The following NUBP2 variants were observed in gnomAD, a reference collection of about 807,000 sequenced individuals.
NUBP2 encodes NUBP iron-sulfur cluster assembly factor 2, cytosolic.
Under a neutral mutation model 24.9 loss-of-function variants are expected in NUBP2, and 23 were observed. The observed-to-expected ratio is 0.92, with a 90% CI of 0.66 to 1.31. The LOEUF (loss-of-function observed/expected upper bound fraction) is 1.31, where lower values mean the gene tolerates loss of function less well. Ranked by LOEUF, NUBP2 falls within the 50% of genes most tolerant of loss-of-function variation. The pLI is 0.00. For synonymous variants in NUBP2, 186 were observed against 170.9 expected, an observed-to-expected ratio of 1.09 and a Z score of -0.69; for missense variants, 403 against 386.5, an observed-to-expected ratio of 1.04 and a Z score of -0.36.
intron 6 of NUBP2, 128 bp downstream of exon 6, chr16:1,788,335 C>T (rs562888777): frequency 3.8e-5 from 42 of 1,103,622 alleles, no homozygotes; most frequent in Admixed American, 9.4e-5. Context: ...CCTCTCTTCT[C>T]GGGCCACACG....
chr16:1,784,411 G>C (rs187815740), intron 1 of NUBP2: 2 of 150,158 alleles, frequency 1.3e-5, no homozygotes, highest in African/African-American at 4.9e-5. Flanking sequence ...TTTTTTGTTG[G>C]GGGGAGACGG....
Position 1,787,727 on chromosome 16 carries a change from C to A in NUBP2, c.385C>A (p.Leu129Met). The A allele has an allele frequency of 6.2e-7, 1 of 1,612,704 alleles. No homozygotes were observed. Among genetic ancestry groups the A allele is most frequent in the Non-Finnish European group, 8.5e-7 (1 of 1,179,928 alleles). ...SDVAWGELDYLVVDTPPGTSD... is the reference protein window; with the variant it reads ...SDVAWGELDYMVVDTPPGTSD... ...CGTGGCCTGGGGGGAGCTGGACTAC[C>A]TGGTGGTGGACACGCCCCCGGGGAC... Residue 129 changes from leucine to methionine, a missense_variant, in exon 4 of 7, where the codon CTG becomes ATG. Physicochemically the swap from Leu to Met is conservative, Grantham distance 15 (BLOSUM62 2). Coordinates refer to ENST00000262302, the MANE Select transcript of NUBP2 (RefSeq NM_012225.4).
In NUBP2 at chr16:1,783,254, G is replaced by C. The variant is rs530689203; in HGVS notation, c.16+218G>C. The C allele has an allele frequency of 2.2e-5, 26 of 1,161,036 alleles. No individual in the cohort carries two copies. In the African/African-American group the frequency reaches 3.9e-4, roughly 17 times the overall value. 71.9% of individuals were successfully genotyped at this position (1,161,036 alleles called of 1,614,324 possible). A position where few individuals can be genotyped will look rare whatever the true frequency, so the allele number is the denominator to read the frequency against. ...ATGTGGAAGCTCCGTGATCTCGGAG[G>C]GCCTGAGTCGTGGAGTTGGGGGAGC... On this transcript the variant is annotated intron_variant, in intron 1 of 6. Coordinates refer to ENST00000262302, the MANE Select transcript of NUBP2 (RefSeq NM_012225.4).
chr16:1,786,608 ACCATCTCCACGGAGCTGG>A lies in NUBP2; in HGVS notation c.91_108del (p.Ile31_Ala36del). On this transcript the variant is annotated inframe_deletion, in exon 2 of 7. Coordinates refer to ENST00000262302, the MANE Select transcript of NUBP2 (RefSeq NM_012225.4). ...AGGAAAGGGGGGCGTTGGGAAAAGC[ACCATCTCCACGGAGCTGG>A]CCCTGGCACTGCGCCATGCAGGCAA... 6.2e-7 allele frequency: 1 copy of A among 1,612,612 alleles called. No homozygotes were observed. Among genetic ancestry groups the A allele is most frequent in the Non-Finnish European group, 8.5e-7 (1 of 1,179,708 alleles).
intron 6 of NUBP2, 85 bp from the exon 7 acceptor site, chr16:1,788,484 C>A (rs1207358558): frequency 6.8e-7 from 1 of 1,461,334 alleles, no homozygotes; most frequent in Non-Finnish European, 9.0e-7. Flanking sequence ...TCTAAGGCCA[C>A]GGGTGGTTCG....
At chr16:1,788,494 G>C in intron 6 of NUBP2, 75 bp from the exon 7 acceptor site, 1 of 1,485,652 alleles carries the variant, frequency 6.7e-7, no homozygotes, top group African/African-American at 1.4e-5. Context: ...CGGGTGGTTC[G>C]GGTGCGTCCA....
Position 1,786,878 on chromosome 16 carries a change from G to T in NUBP2, c.257G>T (p.Ser86Ile). The change falls in exon 3 of 7, where the codon AGC becomes ATC. Residue 86 changes from serine to isoleucine, a missense_variant. Ser to Ile is a moderately radical substitution (Grantham distance 142). Coordinates refer to ENST00000262302, the MANE Select transcript of NUBP2 (RefSeq NM_012225.4). ...WAPVFLDREQ[S>I]ISLMSVGFLL... The stretch of plus-strand genomic sequence containing the variant: ...CCCGTCTTCCTGGACCGGGAGCAGA[G>T]CATCTCGCTCATGTCTGTGGGCTTC... 6.3e-7 allele frequency: 1 copy of T among 1,582,146 alleles called. No homozygotes were observed. The highest frequency in any genetic ancestry group is 1.3e-5 in the African/African-American group (1 of 74,520).
chr16:1,783,468 G>A (rs1201727214), intron 1 of NUBP2: 13 of 995,194 alleles, frequency 1.3e-5, no homozygotes, highest in Non-Finnish European at 1.6e-5. Context: ...ATGCTTTTAA[G>A]TTCTTTGTGG....
chr16:1,786,886 C>G lies in NUBP2; in HGVS notation c.265C>G (p.Leu89Val). The change falls in exon 3 of 7, where the codon CTC (leucine) becomes GTC (valine). Residue 89 changes from leucine (L) to valine (V), a missense_variant. Transcript: ENST00000262302. Reference sequence around the variant, plus strand: ...CCTGGACCGGGAGCAGAGCATCTCGCTCATGTCTGTGGGCTTCCTGCTGGA... The same window carrying G: ...CCTGGACCGGGAGCAGAGCATCTCGGTCATGTCTGTGGGCTTCCTGCTGGA... ...VFLDREQSIS[L>V]MSVGFLLEKP... 2 of 1,572,616 alleles carry G rather than the reference C, an allele frequency of 1.3e-6. No homozygotes were observed. The highest frequency in any genetic ancestry group is 1.7e-6 in the Non-Finnish European group (2 of 1,153,250).
intron 1 of NUBP2, chr16:1,783,729 T>C (rs1353288182): frequency 5.7e-6 from 1 of 173,982 alleles, no homozygotes; most frequent in Non-Finnish European, 1.1e-5. Flanking sequence ...AGTCTCGTTC[T>C]GTCGCCCAGG....
At chr16:1,786,676 T>C (rs1276437360) in intron 2 of NUBP2, 21 bp downstream of exon 2, 2 of 1,612,202 alleles carry the variant, frequency 1.2e-6, no homozygotes, top group African/African-American at 2.7e-5. Flanking sequence ...TACCCCTCAC[T>C]GGGCGGAGCC....
chr16:1,785,031 G>C, intron 1 of NUBP2: 1 of 954,458 alleles, frequency 1.0e-6, no homozygotes, highest in Non-Finnish European at 1.2e-6. Flanking sequence ...CAGCCTGGGC[G>C]ACAGAATGAG....
chr16:1,783,641 TC>T (rs761888838), intron 1 of NUBP2: 1 of 312,634 alleles, frequency 3.2e-6, no homozygotes, highest in Non-Finnish European at 4.7e-6. Flanking sequence ...AGGAAAACAT[TC>T]CTCGGACAGC....
At position 1,787,800 on chromosome 16, in the gene NUBP2, C is replaced by G. The variant is rs772539717; in HGVS notation, c.458C>G (p.Pro153Arg). The G allele has an allele frequency of 3.7e-6, 6 of 1,611,916 alleles. No individual in the cohort carries two copies. The South Asian group carries it at 6.6e-5, about 18-fold the overall frequency. Residue 153 changes from proline to arginine, a missense_variant, in exon 4 of 7, where the codon CCC (proline) becomes CGC (arginine). Coordinates refer to ENST00000262302, the MANE Select transcript of NUBP2 (RefSeq NM_012225.4). Reference sequence around the variant, plus strand: ...ATAGAAGCCCTGCGTCCCTACCAGCCCCTGGGGGCCCTCGTGGTCACCACG... The same window carrying G: ...ATAGAAGCCCTGCGTCCCTACCAGCGCCTGGGGGCCCTCGTGGTCACCACG... ...ATIEALRPYQ[P>R]LGALVVTTPQ...
rs111886912 is a variant in NUBP2 at position 1,787,990 on chromosome 16, C to A, written c.539C>A (p.Thr180Lys). 1.9e-6 allele frequency: 3 copies of A among 1,605,192 alleles called. No homozygotes were observed. Among genetic ancestry groups the A allele is most frequent in the Non-Finnish European group, 1.7e-6 (2 of 1,177,330 alleles). ...CGCGAGCTGACCTTCTGTAGGAAGA[C>A]GGGCTTGCGGGTGATGGGAATCGTG... Reference protein sequence around the residue: ...VRRELTFCRKTGLRVMGIVEN... With the variant: ...VRRELTFCRKKGLRVMGIVEN... The change falls in exon 5 of 7, where the codon ACG becomes AAG. Residue 180 changes from threonine (T) to lysine (K), a missense_variant. By Grantham distance (78) the Thr-to-Lys change is moderately conservative. Transcript: ENST00000262302.
chr16:1,786,954 C>T lies in NUBP2; in HGVS notation c.333C>T (p.Asn111=), dbSNP rs745997092. Residue 111 remains asparagine, a splice_region_variant and synonymous_variant, in exon 3 of 7, where the codon AAC becomes AAT. Transcript: ENST00000262302. Reference sequence around the variant, plus strand: ...TGGTGTGGAGAGGCCCCAAGAAAAACGGTAACGGCCGGGCGGCGCGTCCGC... The same window carrying T: ...TGGTGTGGAGAGGCCCCAAGAAAAATGGTAACGGCCGGGCGGCGCGTCCGC... The part of the protein sequence containing the change: ...EAVVWRGPKK[N]ALIKQFVSDV... 1.1e-5 allele frequency: 17 copies of T among 1,514,174 alleles called. No individual in the cohort carries two copies. In the African/African-American group the frequency reaches 1.3e-4, roughly 11 times the overall value. 93.8% of individuals were successfully genotyped at this position (1,514,174 alleles called of 1,614,324 possible).
At chr16:1,783,593 G>T (rs1317038329) in intron 1 of NUBP2, 1 of 686,816 alleles carries the variant, frequency 1.5e-6, no homozygotes, top group Non-Finnish European at 1.8e-6. Context: ...AGTGGGAGCC[G>T]CATTTATCTT....
In NUBP2 at chr16:1,789,162, A is replaced by T. The variant is rs1458277049; in HGVS notation, c.*448A>T. ...TAACTGTAGAGGCGCCTGCCATTAA[A>T]CGTGTCCGCTGCTGTGGCGACAGAT... On this transcript the variant is annotated 3_prime_UTR_variant, in exon 7 of 7. Transcript: ENST00000262302. 6.4e-6 allele frequency: 1 copy of T among 156,226 alleles called. No homozygotes were observed. Among genetic ancestry groups the T allele is most frequent in the African/African-American group, 2.4e-5 (1 of 41,556 alleles). The allele number at this position is 156,226 out of a possible 1,614,324, so 9.7% of individuals were successfully genotyped here. A position where few individuals can be genotyped will look rare whatever the true frequency, so the allele number is the denominator to read the frequency against.
Position 1,786,917 on chromosome 16 carries a change from C to T in NUBP2, c.296C>T (p.Pro99Leu), listed in dbSNP as rs754359321. Reference protein sequence around the residue: ...LMSVGFLLEKPDEAVVWRGPK... With the variant: ...LMSVGFLLEKLDEAVVWRGPK... ...TCTGTGGGCTTCCTGCTGGAGAAGCCGGACGAGGCCGTGGTGTGGAGAGGC... is the reference window on the plus strand; with the variant it reads ...TCTGTGGGCTTCCTGCTGGAGAAGCTGGACGAGGCCGTGGTGTGGAGAGGC... Residue 99 changes from proline to leucine, a missense_variant, in exon 3 of 7, where the codon CCG becomes CTG. Pro to Leu is a moderately conservative substitution (Grantham distance 98). Coordinates refer to ENST00000262302, the MANE Select transcript of NUBP2 (RefSeq NM_012225.4). 31 of 1,541,300 alleles carry T rather than the reference C, an allele frequency of 2.0e-5. No homozygotes were observed. The highest frequency in any genetic ancestry group is 5.9e-5 in the Admixed American group (3 of 51,024).
Sources: allele counts gnomAD v4.1 joint callset, GRCh38; gene constraint gnomAD v4.1.1; transcripts MANE v1.5; gene names NCBI Gene and HGNC (gene_info 2026-07-23, HGNC 2026-07-21).